Variants in THEMIS observed in about 807,000 individuals in gnomAD.
THEMIS encodes thymocyte selection associated, also known as protein THEMIS.
A neutral mutation model predicts 52.6 loss-of-function variants in THEMIS; 37 were observed. The ratio of observed to expected loss-of-function variants is 0.70; its 90% CI spans 0.54 to 0.93. THEMIS has a LOEUF of 0.93. Among genes scored for constraint, THEMIS ranks in the 40% least tolerant of loss-of-function variants. THEMIS has a pLI of 0.00. For missense variants in THEMIS, 808 were observed against 763.1 expected (o/e 1.06, Z -0.69); for synonymous variants, 292 against 272.7 (o/e 1.07, Z -0.70).
chr6:127,705,641 C>T (rs1773789437), downstream of THEMIS, among the ~76,000 whole-genome samples: 6 of 152,150 alleles, frequency 3.9e-5, no homozygotes, highest in Admixed American at 3.9e-4. Flanking sequence ...TTCCACAGTG[C>T]CTCAGCCAGC....
chr6:127,710,083 G>A (rs1052794079), intron 5 of THEMIS, 67 bp from the exon 6 acceptor site: 1 of 1,147,986 alleles, frequency 8.7e-7, no homozygotes. Context: ...GAAACTGCCT[G>A]CTTTCAAATA....
At chr6:127,900,818 G>C in intron 1 of THEMIS, 24 bp downstream of exon 1, 1 of 1,588,060 alleles carries the variant, frequency 6.3e-7, no homozygotes, top group South Asian at 1.1e-5. Flanking sequence ...GTTCTAGCCA[G>C]TAAAGGTATT....
intron 3 of THEMIS, among the ~76,000 whole-genome samples, chr6:127,822,486 T>G (rs1250580817): frequency 2.6e-5 from 4 of 152,194 alleles, no homozygotes; most frequent in Admixed American, 2.6e-4. Flanking sequence ...ACTGAGAAAC[T>G]GAGAGTTATT....
chr6:127,879,266 G>A (rs1244828990), intron 1 of THEMIS, among the ~76,000 whole-genome samples: 3 of 152,064 alleles, frequency 2.0e-5, no homozygotes, highest in Admixed American at 6.6e-5. Context: ...ATCTTAAAAT[G>A]CCTTTGTAAC....
intron 4 of THEMIS, among the ~76,000 whole-genome samples, chr6:127,782,153 C>T (rs997173593): frequency 6.6e-6 from 1 of 152,124 alleles, no homozygotes; most frequent in Admixed American, 6.5e-5. Flanking sequence ...CTCCCTGCAC[C>T]AAGTACAAGC....
chr6:127,804,046 T>C (rs931268598), intron 4 of THEMIS, among the ~76,000 whole-genome samples: 1 of 152,158 alleles, frequency 6.6e-6, no homozygotes, highest in Non-Finnish European at 1.5e-5. Context: ...CTGACAGCCA[T>C]TTTATATGCA....
At chr6:127,772,222 A>G (rs1415408059) in intron 4 of THEMIS, among the ~76,000 whole-genome samples, 1 of 151,962 alleles carries the variant, frequency 6.6e-6, no homozygotes, top group Non-Finnish European at 1.5e-5. Flanking sequence ...AAGACAGATA[A>G]TGTTAAGTGG....
At chr6:127,906,303 G>T (rs1395016127) in intron 1 of THEMIS, among the ~76,000 whole-genome samples, 1 of 151,794 alleles carries the variant, frequency 6.6e-6, no homozygotes, top group East Asian at 1.9e-4. Flanking sequence ...TAATGAAAGG[G>T]TGACCAATTC....
chr6:127,849,890 A>G (rs948598686), intron 2 of THEMIS, among the ~76,000 whole-genome samples: 15 of 152,122 alleles, frequency 9.9e-5, no homozygotes, highest in Admixed American at 7.9e-4. Context: ...AATAAATGGG[A>G]CCTAATTAAA....
intron 4 of THEMIS, among the ~76,000 whole-genome samples, chr6:127,810,025 C>G (rs966418469): frequency 6.6e-6 from 1 of 151,418 alleles, no homozygotes; most frequent in Non-Finnish European, 1.5e-5. Context: ...AGTAAAAAAA[C>G]AGCTAGGAAT....
chr6:127,812,754 A>G (rs1346126781), intron 4 of THEMIS, 129 bp downstream of exon 4: 5 of 909,138 alleles, frequency 5.5e-6, no homozygotes, highest in Middle Eastern at 3.3e-4. Flanking sequence ...TCTACTGCAC[A>G]TCAGAAAAGC....
intron 4 of THEMIS, among the ~76,000 whole-genome samples, chr6:127,751,555 AC>A (rs1259536959): frequency 6.6e-6 from 1 of 151,692 alleles, no homozygotes; most frequent in Non-Finnish European, 1.5e-5. Flanking sequence ...GACAAAACAG[AC>A]TTTAAGTCAA....
chr6:127,840,596 C>T (rs1779014490), intron 2 of THEMIS, among the ~76,000 whole-genome samples: 1 of 152,038 alleles, frequency 6.6e-6, no homozygotes, highest in Non-Finnish European at 1.5e-5. Context: ...AAAATAAATA[C>T]ATCTTATAGC....
intron 4 of THEMIS, among the ~76,000 whole-genome samples, chr6:127,733,347 T>C (rs1306849262): frequency 6.6e-6 from 1 of 152,218 alleles, no homozygotes; most frequent in Non-Finnish European, 1.5e-5. Context: ...AATCCGCAGG[T>C]TGTTTTCAGT....
chr6:127,886,176 C>T (rs1470084564), intron 1 of THEMIS, among the ~76,000 whole-genome samples: 1 of 152,132 alleles, frequency 6.6e-6, no homozygotes, highest in Non-Finnish European at 1.5e-5. Flanking sequence ...CTTTGGTTAA[C>T]TCCCTCACTT....
chr6:127,723,274 GT>G (rs1774426186), intron 4 of THEMIS, among the ~76,000 whole-genome samples: 1 of 152,052 alleles, frequency 6.6e-6, no homozygotes, highest in African/African-American at 2.4e-5. Flanking sequence ...ACTTCAACTT[GT>G]TTTACCTGCC....
chr6:127,863,600 G>A (rs888071541), intron 1 of THEMIS, among the ~76,000 whole-genome samples: 10 of 152,120 alleles, frequency 6.6e-5, no homozygotes, highest in African/African-American at 2.4e-4. Context: ...CAATTGGAGT[G>A]TATTCAGGGC....
chr6:127,893,454 A>T (rs1423448410), intron 1 of THEMIS, among the ~76,000 whole-genome samples: 1 of 152,198 alleles, frequency 6.6e-6, no homozygotes. Context: ...TTTGTAACAA[A>T]GGACAAATGT....
intron 1 of THEMIS, among the ~76,000 whole-genome samples, chr6:127,893,593 C>T (rs1780875666): frequency 6.6e-6 from 1 of 152,096 alleles, no homozygotes; most frequent in African/African-American, 2.4e-5. Flanking sequence ...ATCGATACGG[C>T]TCCTAAAATA....
Sources: allele counts gnomAD v4.1 joint callset (sites outside exome capture counted in the v4.1 genomes callset), GRCh38; gene constraint gnomAD v4.1.1; transcripts MANE v1.5; gene names NCBI Gene and HGNC (gene_info 2026-07-23, HGNC 2026-07-21).